Variants in NLRP6 observed in about 807,000 individuals in gnomAD.
The protein encoded by NLRP6 is NACHT, LRR and PYD domains-containing protein 6.
NLRP6 carries 55 observed loss-of-function variants against 70.9 expected under a neutral mutation model. The observed-to-expected ratio is 0.78, with a 90% CI of 0.62 to 0.97. The LOEUF (loss-of-function observed/expected upper bound fraction) is 0.97, where lower values mean the gene tolerates loss of function less well. Ranked by LOEUF, NLRP6 falls within the 50% of genes least tolerant of loss-of-function variation. NLRP6 has a pLI of 0.00. For missense variants in NLRP6, 1,241 were observed against 1,238.3 expected, an observed-to-expected ratio of 1.00 and a Z score of -0.03; for synonymous variants, 652 against 581.9, an observed-to-expected ratio of 1.12 and a Z score of -1.73.
chr11:278,601 G>A lies in NLRP6; in HGVS notation c.29+3G>A. The A allele has an allele frequency of 6.3e-7, 1 of 1,590,158 alleles. No homozygotes were observed. The highest frequency in any genetic ancestry group is 8.6e-7 in the Non-Finnish European group (1 of 1,169,266). On this transcript the variant is annotated splice_donor_region_variant and intron_variant, in intron 1 of 7. Coordinates refer to ENST00000534750, the MANE Select transcript of NLRP6 (RefSeq NM_001276700.2). This position sits in a 1 kb window ranked among gnomAD's most constrained non-coding sequence, Gnocchi z 4.7. Reference sequence around the variant, plus strand: ...CAGCCAGAGGCCCCCTGCTCCAGGTGAGTGCTGGCCCCAGGGTGGTCACTG... The same window carrying A: ...CAGCCAGAGGCCCCCTGCTCCAGGTAAGTGCTGGCCCCAGGGTGGTCACTG...
intron 2 of NLRP6, 94 bp downstream of exon 2, chr11:279,701 C>T (rs1845438887): frequency 3.0e-6 from 4 of 1,346,096 alleles, no homozygotes; most frequent in Admixed American, 7.4e-5. Flanking sequence ...GTCCCCGGCC[C>T]CCGCGCGTTT....
At chr11:284,150 G>A in intron 5 of NLRP6, 80 bp from the exon 6 acceptor site, 3 of 1,310,532 alleles carry the variant, frequency 2.3e-6, no homozygotes, top group Non-Finnish European at 3.3e-6. Context: ...GGGCCACCGG[G>A]CAGCGGGCAT....
chr11:281,414 G>C lies in NLRP6; in HGVS notation c.1680G>C (p.Glu560Asp), dbSNP rs140476828. ...LLSAERMRDI[E>D]RHFGCMVSER... The stretch of plus-strand genomic sequence containing the variant: ...GCGCGGAGCGGATGCGCGACATCGA[G>C]CGCCACTTCGGCTGCATGGTTTCAG... Residue 560 changes from glutamate (E) to aspartate (D), a missense_variant, in exon 4 of 8, where the codon GAG becomes GAC. Transcript: ENST00000534750. 37 of 1,608,602 alleles carry C rather than the reference G, an allele frequency of 2.3e-5. No homozygotes were observed. The Middle Eastern group carries it at 5.0e-4, about 22-fold the overall frequency.
intron 5 of NLRP6, 40 bp from the exon 6 acceptor site, chr11:284,190 G>A: frequency 1.3e-6 from 2 of 1,598,080 alleles, no homozygotes; most frequent in Non-Finnish European, 1.7e-6. Context: ...TGTGGTGGCT[G>A]AGGCGCCTGC....
chr11:285,189 A>C lies in NLRP6; in HGVS notation c.2561A>C (p.Glu854Ala). 6.3e-7 allele frequency: 1 copy of C among 1,593,508 alleles called. No homozygotes were observed. The highest frequency in any genetic ancestry group is 1.7e-5 in the Admixed American group (1 of 57,256). ...AGTCTGGCCTCTGTGGAGCTGAGCG[A>C]GCAGTCACTACAGGAGCTTCAGGCT... ...TLSLASVELS[E>A]QSLQELQAVK... The change falls in exon 8 of 8, where the codon GAG becomes GCG. Residue 854 changes from glutamate to alanine, a missense_variant. By Grantham distance (107) the Glu-to-Ala change is moderately radical. Transcript: ENST00000534750.
intron 3 of NLRP6, 79 bp from the exon 4 acceptor site, chr11:280,005 G>GGGAGGGCGTGGGCTCCC: frequency 7.1e-7 from 1 of 1,415,564 alleles, no homozygotes; most frequent in Non-Finnish European, 9.3e-7. Flanking sequence ...AGCAGGGCCG[G>GGGAGGGCGTGGGCTCCC]GGAGGGCGTG....
chr11:281,257 C>T lies in NLRP6; in HGVS notation c.1523C>T (p.Ala508Val). The change falls in exon 4 of 8, where the codon GCA (alanine) becomes GTA (valine). Residue 508 changes from alanine (A) to valine (V), a missense_variant. Coordinates refer to ENST00000534750, the MANE Select transcript of NLRP6 (RefSeq NM_001276700.2). ...IDQSFQEFLA[A>V]LSYLLEDGGV... ...CAGAGCTTCCAGGAGTTCCTCGCGGCACTGTCCTACCTGCTGGAGGACGGC... is the reference window on the plus strand; with the variant it reads ...CAGAGCTTCCAGGAGTTCCTCGCGGTACTGTCCTACCTGCTGGAGGACGGC... 6.2e-7 allele frequency: 1 copy of T among 1,612,848 alleles called. No individual in the cohort carries two copies.
In NLRP6 at chr11:284,569, C is replaced by T. The variant is rs1276572600; in HGVS notation, c.2464C>T (p.Gln822Ter). The T allele has an allele frequency of 2.5e-6, 4 of 1,612,452 alleles. No individual in the cohort carries two copies. Among genetic ancestry groups the T allele is most frequent in the South Asian group, 1.1e-5 (1 of 91,056 alleles). ...GACCACCCTGGATCTCAGCGGCTGCCAACTGCCCGCCCCCATGGTGACCTA... is the reference window on the plus strand; with the variant it reads ...GACCACCCTGGATCTCAGCGGCTGCTAACTGCCCGCCCCCATGGTGACCTA... ...ALTTLDLSGC[Q>*]LPAPMVTYLC... The change falls in exon 7 of 8, where the codon CAA becomes TAA. Residue 822 changes from glutamine to a stop codon, truncating the protein, a stop_gained. Transcript: ENST00000534750. LOFTEE classifies it high-confidence loss of function.
At chr11:284,690 G>A (rs112856175) in intron 7 of NLRP6, 48 bp downstream of exon 7, 283 of 1,528,606 alleles carry the variant, frequency 1.9e-4, no homozygotes, top group African/African-American at 1.2e-3. Context: ...CTGTCAACCC[G>A]GGGAGGGGGA....
In NLRP6 at chr11:278,553, A is replaced by AG; in HGVS notation, c.-14dup. 6.3e-7 allele frequency: 1 copy of AG among 1,582,560 alleles called. No individual in the cohort carries two copies. The highest frequency in any genetic ancestry group is 8.6e-7 in the Non-Finnish European group (1 of 1,165,070). On this transcript the variant is annotated 5_prime_UTR_variant, in exon 1 of 8. Transcript: ENST00000534750. This position sits in a 1 kb window ranked among gnomAD's most constrained non-coding sequence, Gnocchi z 4.7. ...ACCTCTGCCCCGGAGTGCTAGACCC[A>AG]GGGAGGAAGAGACCCCATGGACCAG... is the stretch of plus-strand genomic sequence containing the variant.
At chr11:284,432 G>GC (rs766441056) in intron 6 of NLRP6, 32 bp downstream of exon 6, 89 of 1,601,712 alleles carry the variant, frequency 5.6e-5, no homozygotes, top group Admixed American at 1.0e-4. Context: ...ACCGTGGGAT[G>GC]CCCCCGCCAC....
In NLRP6 at chr11:278,567, C is replaced by T. The variant is rs1262948902; in HGVS notation, c.-3C>T. 3.1e-6 allele frequency: 5 copies of T among 1,590,196 alleles called. No homozygotes were observed. Among genetic ancestry groups the T allele is most frequent in the Non-Finnish European group, 3.4e-6 (4 of 1,169,210 alleles). ...GTGCTAGACCCAGGGAGGAAGAGACCCCATGGACCAGCCAGAGGCCCCCTG... is the reference window on the plus strand; with the variant it reads ...GTGCTAGACCCAGGGAGGAAGAGACTCCATGGACCAGCCAGAGGCCCCCTG... On this transcript the variant is annotated 5_prime_UTR_variant, in exon 1 of 8. Coordinates refer to ENST00000534750, the MANE Select transcript of NLRP6 (RefSeq NM_001276700.2). This position sits in a 1 kb window ranked among gnomAD's most constrained non-coding sequence, Gnocchi z 4.7.
intron 5 of NLRP6, 91 bp from the exon 6 acceptor site, chr11:284,139 T>TGGGCCACCGGGCAGC (rs1053404086): frequency 8.3e-7 from 1 of 1,204,300 alleles, no homozygotes; most frequent in African/African-American, 1.5e-5. Flanking sequence ...AGCTGAACCC[T>TGGGCCACCGGGCAGC]GGGCCACCGG....
At chr11:283,463 G>A (rs933418928) in intron 5 of NLRP6, among the ~76,000 whole-genome samples, 15 of 152,010 alleles carry the variant, frequency 9.9e-5, no homozygotes, top group African/African-American at 2.9e-4. Context: ...ACAGGTGCCC[G>A]CCACTACGCC....
intron 7 of NLRP6, 82 bp from the exon 8 acceptor site, chr11:285,084 G>A (rs534689013): frequency 1.9e-4 from 246 of 1,290,030 alleles, no homozygotes; most frequent in Middle Eastern, 7.0e-4. Context: ...CCCGCGGCCC[G>A]GCTGCCCCCA....
At position 280,307 on chromosome 11, in the gene NLRP6, G is replaced by A; in HGVS notation, c.573G>A (p.Glu191=). The change falls in exon 4 of 8, where the codon GAG becomes GAA. Residue 191 remains glutamate (E), a synonymous_variant. Transcript: ENST00000534750. ...ACCGCCTCTTCCGCCGCGACGAGGA[G>A]GGCCGGCGGCCGCTGACCGTGGTGC... is the stretch of plus-strand genomic sequence containing the variant. ...TFNRLFRRDE[E]GRRPLTVVLQ... 1 of 1,499,790 alleles carries A rather than the reference G, an allele frequency of 6.7e-7. No homozygotes were observed. Among genetic ancestry groups the A allele is most frequent in the Non-Finnish European group, 8.9e-7 (1 of 1,125,994 alleles). The allele number at this position is 1,499,790 out of a possible 1,614,324, so 92.9% of individuals were successfully genotyped here. A position where few individuals can be genotyped will look rare whatever the true frequency, so the allele number is the denominator to read the frequency against.
Position 280,672 on chromosome 11 carries a change from G to C in NLRP6, c.938G>C (p.Ser313Thr), listed in dbSNP as rs750292480. 3 of 1,550,278 alleles carry C rather than the reference G, an allele frequency of 1.9e-6. No individual in the cohort carries two copies. The South Asian group carries it at 3.6e-5, about 19-fold the overall frequency. The stretch of plus-strand genomic sequence containing the variant: ...GCGCGGGTGCTAGGCGGGCTGCTGA[G>C]CAAGGCGCTGCTGCCCACGGCCCTC... ...SGARVLGGLL[S>T]KALLPTALLL... The change falls in exon 4 of 8, where the codon AGC becomes ACC. Residue 313 changes from serine to threonine, a missense_variant. Ser to Thr is a moderately conservative substitution (Grantham distance 58). Transcript: ENST00000534750.
chr11:280,441 C>T lies in NLRP6; in HGVS notation c.707C>T (p.Pro236Leu), dbSNP rs369824295. 3.1e-6 allele frequency: 5 copies of T among 1,592,148 alleles called. No individual in the cohort carries two copies. The highest frequency in any genetic ancestry group is 1.7e-5 in the Admixed American group (1 of 59,572). Residue 236 changes from proline to leucine, a missense_variant, in exon 4 of 8, where the codon CCC (proline) becomes CTC (leucine). Transcript: ENST00000534750. ...QGQVDFAFFM[P>L]CGELLERPGT... ...CAGGTGGACTTCGCCTTCTTCATGCCCTGCGGCGAGCTGCTGGAGAGGCCG... is the reference window on the plus strand; with the variant it reads ...CAGGTGGACTTCGCCTTCTTCATGCTCTGCGGCGAGCTGCTGGAGAGGCCG...
intron 5 of NLRP6, among the ~76,000 whole-genome samples, chr11:283,470 C>T (rs576202821): frequency 5.9e-5 from 9 of 152,000 alleles, no homozygotes; most frequent in African/African-American, 1.2e-4. Context: ...CCCGCCACTA[C>T]GCCCGGCTAA....
Sources: gnomAD v4.1 joint callset for allele counts (sites outside exome capture counted in the v4.1 genomes callset) on GRCh38, gnomAD v4.1.1 for gene constraint, Gnocchi (gnomAD v3.1) non-coding constraint, MANE v1.5 for transcripts, NCBI Gene and HGNC (gene_info 2026-07-23, HGNC 2026-07-21) for gene names.